CPA5: variants seen among roughly 807,000 people sequenced by gnomAD.
CPA5 encodes testicular tissue protein Li 32.
CPA5 carries 38 observed loss-of-function variants against 52.2 expected under a neutral mutation model. That is an observed-to-expected ratio of 0.73 (90% CI 0.56 to 0.95). The LOEUF (loss-of-function observed/expected upper bound fraction) is 0.95, where lower values mean the gene tolerates loss of function less well. Among genes scored for constraint, CPA5 ranks in the 40% least tolerant of loss-of-function variants. The pLI is 0.00. For missense variants in CPA5, 519 were observed against 566.7 expected (o/e 0.92, Z 0.86); for synonymous variants, 198 against 213.7 (o/e 0.93, Z 0.64).
At chr7:130,346,038 C>T (rs1794712059) in intron 2 of CPA5, 142 bp downstream of exon 2, 1 of 153,162 alleles carries the variant, frequency 6.5e-6, no homozygotes, top group Admixed American at 6.5e-5. Context: ...TCAATGGCAT[C>T]CACACCTTAT....
chr7:130,373,468 T>C (rs1020148083), downstream of CPA5, among the ~76,000 whole-genome samples: 1 of 152,206 alleles, frequency 6.6e-6, no homozygotes, highest in African/African-American at 2.4e-5. Context: ...GCTGCGGTTA[T>C]TGCTTTCTTA....
At chr7:130,361,122 T>C in intron 6 of CPA5, 21 bp from the exon 7 acceptor site, 1 of 1,518,580 alleles carries the variant, frequency 6.6e-7, no homozygotes, top group Non-Finnish European at 9.1e-7. Flanking sequence ...CTGCCAATCT[T>C]ACACACTTCT....
chr7:130,347,923 C>T (rs12532645), intron 4 of CPA5, 76 bp downstream of exon 4: 378,273 of 1,159,508 alleles, frequency 0.33, 66,066 homozygotes, highest in South Asian at 0.38. Context: ...TGTCCTGCCC[C>T]CCTTTATCCC....
At chr7:130,355,190 C>T (rs782108623) in intron 5 of CPA5, among the ~76,000 whole-genome samples, 10 of 152,156 alleles carry the variant, frequency 6.6e-5, no homozygotes, top group Non-Finnish European at 1.0e-4. Context: ...GCTATCCTAC[C>T]TCTGGAGAAA....
intron 8 of CPA5, 36 bp downstream of exon 8, chr7:130,362,575 T>C (rs781919902): frequency 1.4e-6 from 2 of 1,464,530 alleles, no homozygotes; most frequent in Non-Finnish European, 1.9e-6. Context: ...GCACCCACGA[T>C]GGGGGCTGCA....
At chr7:130,363,330 T>A (rs1201093874) in intron 9 of CPA5, 89 bp from the exon 10 acceptor site, 3 of 1,101,896 alleles carry the variant, frequency 2.7e-6, no homozygotes, top group Non-Finnish European at 4.0e-6. Context: ...CCCACTAGGG[T>A]CCCCTACCCC....
At chr7:130,364,086 G>A (rs1795945558) in intron 10 of CPA5, among the ~76,000 whole-genome samples, 1 of 152,122 alleles carries the variant, frequency 6.6e-6, no homozygotes, top group African/African-American at 2.4e-5. Flanking sequence ...GGAGTGCAGT[G>A]GTGTGATCAT....
intron 7 of CPA5, among the ~76,000 whole-genome samples, chr7:130,362,175 G>A (rs1795824661): frequency 6.6e-6 from 1 of 152,174 alleles, no homozygotes; most frequent in South Asian, 2.1e-4. Flanking sequence ...AGAAACCCTG[G>A]TCTTAAGATA....
intron 5 of CPA5, among the ~76,000 whole-genome samples, chr7:130,354,694 G>C (rs1454893618): frequency 6.6e-6 from 1 of 152,080 alleles, no homozygotes; most frequent in South Asian, 2.1e-4. Flanking sequence ...GATCATAGGC[G>C]TGAACCACGA....
At chr7:130,359,976 C>A (rs1795702772) in intron 6 of CPA5, among the ~76,000 whole-genome samples, 1 of 152,138 alleles carries the variant, frequency 6.6e-6, no homozygotes, top group Non-Finnish European at 1.5e-5. Context: ...CGCAGGGACC[C>A]ATTATGGGCC....
intron 5 of CPA5, among the ~76,000 whole-genome samples, chr7:130,357,344 G>A (rs1457920991): frequency 2.6e-5 from 4 of 152,168 alleles, no homozygotes; most frequent in African/African-American, 4.8e-5. Context: ...AGCCATTAGG[G>A]CTTTTGGTTT....
intron 6 of CPA5, among the ~76,000 whole-genome samples, chr7:130,360,779 C>T (rs181247626): frequency 9.5e-4 from 145 of 152,322 alleles, no homozygotes; most frequent in Non-Finnish European, 1.9e-3. Flanking sequence ...CCTGTCAGAT[C>T]TGTCAAACGG....
At chr7:130,361,631 T>G (rs1276021506) in intron 7 of CPA5, among the ~76,000 whole-genome samples, 1 of 152,220 alleles carries the variant, frequency 6.6e-6, no homozygotes, top group Non-Finnish European at 1.5e-5. Context: ...TGAGGTCATC[T>G]GGCTTAGACA....
At position 130,361,181 on chromosome 7, in the gene CPA5, C is replaced by T. The variant is rs1554406533; in HGVS notation, c.471C>T (p.Ser157=). The T allele has an allele frequency of 6.8e-6, 11 of 1,613,844 alleles. No homozygotes were observed. Among genetic ancestry groups the T allele is most frequent in the South Asian group, 1.1e-5 (1 of 91,052 alleles). Residue 157 remains serine (S), a synonymous_variant, in exon 7 of 13, where the codon TCC becomes TCT. Transcript: ENST00000474905. ...TTGACAACTTTGTAATGGAGCATTC[C>T]GATATTGTCTCAAAAATTCAGATTG... ...SWIDNFVMEH[S]DIVSKIQIGN... is the part of the protein sequence containing the mutation.
chr7:130,370,208 G>A (rs1796280533), downstream of CPA5, among the ~76,000 whole-genome samples: 1 of 152,240 alleles, frequency 6.6e-6, no homozygotes, highest in Non-Finnish European at 1.5e-5. Flanking sequence ...GGCCAGCTGT[G>A]CCACATAGAA....
intron 11 of CPA5, 45 bp from the exon 12 acceptor site, chr7:130,367,861 C>G: frequency 6.5e-7 from 1 of 1,529,476 alleles, no homozygotes; most frequent in Non-Finnish European, 9.1e-7. Flanking sequence ...TGTGTGGGAG[C>G]CCCGGGGAGC....
At chr7:130,349,823 G>A in intron 4 of CPA5, 152 bp from the exon 5 acceptor site, 2 of 795,984 alleles carry the variant, frequency 2.5e-6, no homozygotes, top group Admixed American at 2.5e-5. Context: ...ATCCGCTGAG[G>A]GGCTTTGGGA....
the CPA5 span, among the ~76,000 whole-genome samples, chr7:130,374,372 C>T: frequency 6.6e-6 from 1 of 152,108 alleles, no homozygotes; most frequent in Non-Finnish European, 1.5e-5. Context: ...AATCCATTCC[C>T]TCTGGTCGTC....
intron 5 of CPA5, among the ~76,000 whole-genome samples, chr7:130,357,915 CAT>C (rs1392661463): frequency 6.6e-6 from 1 of 150,882 alleles, no homozygotes; most frequent in Non-Finnish European, 1.5e-5. Context: ...TACACACAGA[CAT>C]AAACATATCT....
Sources: allele counts gnomAD v4.1 joint callset (sites outside exome capture counted in the v4.1 genomes callset), GRCh38; gene constraint gnomAD v4.1.1; transcripts MANE v1.5; gene names NCBI Gene and HGNC (gene_info 2026-07-23, HGNC 2026-07-21).